Variants in PALLD observed in about 807,000 individuals in gnomAD.
The protein encoded by PALLD is palladin, cytoskeletal associated protein.
In PALLD, 61 loss-of-function variants were observed where a neutral mutation model predicts 123.5. The ratio of observed to expected loss-of-function variants is 0.49; its 90% CI spans 0.40 to 0.61. The LOEUF (loss-of-function observed/expected upper bound fraction) is 0.61, where lower values mean the gene tolerates loss of function less well. PALLD is among the 20% of genes least tolerant of loss of function. The pLI is 0.00. For missense variants in PALLD, 1,273 were observed against 1,377.0 expected (o/e 0.92, Z 1.20); for synonymous variants, 465 against 496.4 (o/e 0.94, Z 0.84).
intron 2 of PALLD, among the ~76,000 whole-genome samples, chr4:168,567,154 A>T (rs1768476323): frequency 6.6e-6 from 1 of 152,188 alleles, no homozygotes; most frequent in Non-Finnish European, 1.5e-5. Flanking sequence ...TATTTTTATA[A>T]AAACAAAAAT....
At chr4:168,852,790 G>A (rs763532190) in intron 10 of PALLD, among the ~76,000 whole-genome samples, 4 of 152,190 alleles carry the variant, frequency 2.6e-5, no homozygotes, top group Non-Finnish European at 4.4e-5. Context: ...TTTTAGATGA[G>A]TTAATCGGCT....
At chr4:168,897,660 C>G (rs1755506888) in intron 13 of PALLD, among the ~76,000 whole-genome samples, 1 of 152,122 alleles carries the variant, frequency 6.6e-6, no homozygotes, top group South Asian at 2.1e-4. Flanking sequence ...CTTTGTTGCC[C>G]AAGCTGGTCT....
chr4:168,743,898 G>A (rs1321385891), intron 10 of PALLD, among the ~76,000 whole-genome samples: 1 of 152,092 alleles, frequency 6.6e-6, no homozygotes, highest in Non-Finnish European at 1.5e-5. Context: ...TAAATAAGGG[G>A]GATTTGGAAA....
intron 5 of PALLD, among the ~76,000 whole-genome samples, chr4:168,684,071 T>A (rs148191164): frequency 9.8e-5 from 15 of 152,332 alleles, no homozygotes; most frequent in African/African-American, 3.6e-4. Context: ...GGGCATTTTT[T>A]GGTATTTGAT....
intron 10 of PALLD, among the ~76,000 whole-genome samples, chr4:168,828,700 C>T (rs1743761547): frequency 6.6e-6 from 1 of 152,198 alleles, no homozygotes; most frequent in South Asian, 2.1e-4. Flanking sequence ...CTTTTCTCCC[C>T]AAATACTTGG....
chr4:168,499,258 G>GGAAGGGAGGGA (rs1761094474), intron 1 of PALLD, among the ~76,000 whole-genome samples: 1 of 82,172 alleles, frequency 1.2e-5, no homozygotes, highest in Non-Finnish European at 2.5e-5. Flanking sequence ...AAGGGAGGGA[G>GGAAGGGAGGGA]GAAGGGAGGG....
chr4:168,632,006 T>A, intron 2 of PALLD: 1 of 671,342 alleles, frequency 1.5e-6, no homozygotes, highest in Non-Finnish European at 1.8e-6. Context: ...GTTTGGGGTG[T>A]TTAGTTGTAG....
Position 168,668,187 on chromosome 4 carries a change from C to T in PALLD, c.909-3C>T. The T allele has an allele frequency of 6.2e-7, 1 of 1,612,972 alleles. No individual in the cohort carries two copies. Among genetic ancestry groups the T allele is most frequent in the Non-Finnish European group, 8.5e-7 (1 of 1,178,932 alleles). On this transcript the variant is annotated splice_polypyrimidine_tract_variant and splice_region_variant and intron_variant, in intron 2 of 21. Coordinates refer to ENST00000505667, the MANE Select transcript of PALLD (RefSeq NM_001166108.2). Reference sequence around the variant, plus strand: ...TATCCTTTGACCTCCATTTGGCCTGCAGATGGTTCTGTGAAGGGAAAGAAC... The same window carrying T: ...TATCCTTTGACCTCCATTTGGCCTGTAGATGGTTCTGTGAAGGGAAAGAAC...
intron 2 of PALLD, among the ~76,000 whole-genome samples, chr4:168,606,732 C>T (rs971225340): frequency 3.3e-5 from 5 of 151,514 alleles, no homozygotes; most frequent in South Asian, 2.1e-4. Context: ...TACATGTTCT[C>T]GAAAAAGACA....
chr4:168,919,186 AC>A (rs1212539132), intron 17 of PALLD, among the ~76,000 whole-genome samples: 2 of 152,136 alleles, frequency 1.3e-5, no homozygotes, highest in Non-Finnish European at 2.9e-5. Context: ...CAAAAAGTAA[AC>A]TGCCTATTGA....
chr4:168,856,938 CAGTG>C (rs1338893224), intron 10 of PALLD, among the ~76,000 whole-genome samples: 1 of 152,232 alleles, frequency 6.6e-6, no homozygotes, highest in Non-Finnish European at 1.5e-5. Flanking sequence ...TTATGGGAAA[CAGTG>C]AGGACCATCC....
intron 2 of PALLD, among the ~76,000 whole-genome samples, chr4:168,562,991 T>C (rs780177027): frequency 4.6e-5 from 7 of 151,998 alleles, no homozygotes; most frequent in African/African-American, 7.2e-5. Flanking sequence ...TGAAAAGAAG[T>C]TGGATTTGCG....
At chr4:168,893,086 G>GT (rs1437156569) in intron 11 of PALLD, among the ~76,000 whole-genome samples, 2 of 152,132 alleles carry the variant, frequency 1.3e-5, no homozygotes, top group African/African-American at 4.8e-5. Flanking sequence ...GCTTCTAGTG[G>GT]TAGCAGGTGC....
At chr4:168,597,569 A>C (rs1429523173) in intron 2 of PALLD, among the ~76,000 whole-genome samples, 1 of 152,104 alleles carries the variant, frequency 6.6e-6, no homozygotes, top group Non-Finnish European at 1.5e-5. Context: ...ATTCTTTCTG[A>C]GTATCATTTC....
At chr4:168,760,538 CAGA>C (rs1732690384) in intron 10 of PALLD, among the ~76,000 whole-genome samples, 1 of 152,126 alleles carries the variant, frequency 6.6e-6, no homozygotes, top group Admixed American at 6.5e-5. Flanking sequence ...CCGGGTGCCT[CAGA>C]AGGAACCCAA....
intron 2 of PALLD, among the ~76,000 whole-genome samples, chr4:168,633,732 C>A (rs1295700793): frequency 1.3e-5 from 2 of 152,066 alleles, no homozygotes; most frequent in African/African-American, 4.8e-5. Context: ...AAGGTTCTGC[C>A]GAGTTTTCTT....
rs556553250 is a variant in PALLD, at chr4:168,848,621, A to T, written c.1965-42301A>T. ...TCAAACTTAGAACGATGCTAATTTG[A>T]GTTCTGAGCTCTAAAACTGGTAGAA... On this transcript the variant is annotated intron_variant, in intron 10 of 21. Coordinates refer to ENST00000505667, the MANE Select transcript of PALLD (RefSeq NM_001166108.2). 1.8e-4 allele frequency among the ~76,000 whole-genome samples: 28 copies of T among 152,306 alleles called. No individual in the cohort carries two copies. In the South Asian group the frequency reaches 5.4e-3, roughly 29 times the overall value.
chr4:168,771,544 C>T (rs186084955), intron 10 of PALLD, among the ~76,000 whole-genome samples: 8 of 152,256 alleles, frequency 5.3e-5, no homozygotes, highest in African/African-American at 1.7e-4. Flanking sequence ...AAAATGTCAC[C>T]TCATTCCCCA....
At chr4:168,792,336 T>C (rs527938657) in intron 10 of PALLD, among the ~76,000 whole-genome samples, 1 of 150,738 alleles carries the variant, frequency 6.6e-6, no homozygotes, top group South Asian at 2.1e-4. Flanking sequence ...TAAAAAAAAA[T>C]AGGAGAGTAA....
Sources: gnomAD v4.1 joint callset for allele counts (sites outside exome capture counted in the v4.1 genomes callset) on GRCh38, gnomAD v4.1.1 for gene constraint, MANE v1.5 for transcripts, NCBI Gene and HGNC (gene_info 2026-07-23, HGNC 2026-07-21) for gene names.